Variants in TLN2 observed in about 807,000 individuals in gnomAD.
The protein encoded by TLN2 is talin-2.
A neutral mutation model predicts 294.7 loss-of-function variants in TLN2; 118 were observed. The observed-to-expected ratio is 0.40, with a 90% confidence interval of 0.34 to 0.47. The LOEUF (loss-of-function observed/expected upper bound fraction) is 0.47, where lower values mean the gene tolerates loss of function less well. Ranked by LOEUF, TLN2 falls within the 20% of genes least tolerant of loss-of-function variation. The pLI, the probability that TLN2 is intolerant of heterozygous loss-of-function variation, is 0.84. For synonymous variants in TLN2, 1,431 were observed against 1,304.5 expected (o/e 1.10, Z -2.09); for missense variants, 3,083 against 3,282.2 (o/e 0.94, Z 1.48).
intron 1 of TLN2, among the ~76,000 whole-genome samples, chr15:62,399,273 A>AC (rs2032828982): frequency 6.6e-6 from 1 of 150,804 alleles, no homozygotes; most frequent in Non-Finnish European, 1.5e-5. Flanking sequence ...AAAAAAAAAA[A>AC]AAAAAAAAAA....
chr15:62,674,417 A>G (rs2055879268), intron 10 of TLN2, among the ~76,000 whole-genome samples: 1 of 152,208 alleles, frequency 6.6e-6, no homozygotes, highest in African/African-American at 2.4e-5. Context: ...ATTAAAATAC[A>G]AATTTCATGC....
intron 3 of TLN2, among the ~76,000 whole-genome samples, chr15:62,631,397 T>A (rs889839329): frequency 2.6e-5 from 4 of 152,128 alleles, no homozygotes; most frequent in Non-Finnish European, 5.9e-5. Context: ...TAATCACTCA[T>A]CCATTATTTT....
In TLN2 at chr15:62,637,414, G is replaced by T. The variant is rs2140904109; in HGVS notation, c.-36-9861G>T. 1.3e-5 allele frequency: 2 copies of T among 150,100 alleles called. 1 individual carries two copies. The highest frequency in any genetic ancestry group is 4.6e-4 in the South Asian group (2 of 4,388). 9.3% of individuals were successfully genotyped at this position (150,100 alleles called of 1,614,324 possible). ...TCCAAGAGGACTGAAATGTATGGAT[G>T]ATTTATTCAGCTGTCTTGGCAACCA... On this transcript the variant is annotated intron_variant, in intron 3 of 58. Coordinates refer to ENST00000636159, the MANE Select transcript of TLN2 (RefSeq NM_015059.3).
At chr15:62,833,356 G>C (rs1453168601) in intron 54 of TLN2, 148 bp from the exon 55 acceptor site, 2 of 1,261,884 alleles carry the variant, frequency 1.6e-6, no homozygotes, top group Non-Finnish European at 2.2e-6. Flanking sequence ...TCTGCTTCTT[G>C]TTAAGGAACC....
In TLN2 at chr15:62,807,477, C is replaced by T. The variant is rs2066369500; in HGVS notation, c.6663+1692C>T. ...TCTCAGCCAGTCTGTTTCTGCTACTCAGGGCCTCCCAGATGTAATGTTCAA... is the reference window on the plus strand; with the variant it reads ...TCTCAGCCAGTCTGTTTCTGCTACTTAGGGCCTCCCAGATGTAATGTTCAA... On this transcript the variant is annotated intron_variant, in intron 51 of 58. Transcript: ENST00000636159. Among the ~76,000 whole-genome samples, 5 of 152,318 alleles carry T rather than the reference C, an allele frequency of 3.3e-5. No individual in the cohort carries two copies. The South Asian group carries it at 1.0e-3, about 32-fold the overall frequency.
chr15:62,426,579 G>A (rs1003426597), intron 1 of TLN2, among the ~76,000 whole-genome samples: 1 of 152,216 alleles, frequency 6.6e-6, no homozygotes, highest in Admixed American at 6.5e-5. Flanking sequence ...TGGTAATGGG[G>A]ACTAAGCCTC....
chr15:62,492,989 C>T (rs1008868187), intron 1 of TLN2, among the ~76,000 whole-genome samples: 3 of 152,126 alleles, frequency 2.0e-5, no homozygotes, highest in Non-Finnish European at 4.4e-5. Context: ...TTGTGGCCTT[C>T]CTGTTAGGGG....
At chr15:62,690,776 C>T (rs973937693) in intron 12 of TLN2, among the ~76,000 whole-genome samples, 4 of 151,002 alleles carry the variant, frequency 2.6e-5, no homozygotes, top group South Asian at 2.1e-4. Flanking sequence ...CTCGGGAGGC[C>T]GAGGCTGGCG....
chr15:62,645,302 C>T (rs2051700529), intron 3 of TLN2: 1 of 152,362 alleles, frequency 6.6e-6, no homozygotes, highest in Admixed American at 6.5e-5. Flanking sequence ...AATCCAGCCA[C>T]TGCCTAGGCC....
rs919223126 is a variant in TLN2 at position 62,792,474 on chromosome 15, G to A, written c.5737-167G>A. On this transcript the variant is annotated intron_variant, in intron 45 of 58. Transcript: ENST00000636159. ...CATTTTACAGTCTCTCAAAAGGGAA[G>A]CAAAATCAACCAAATTCCATACTTC... Among the ~76,000 whole-genome samples, 5 of 152,288 alleles carry A rather than the reference G, an allele frequency of 3.3e-5. No homozygotes were observed. The South Asian group carries it at 1.0e-3, about 32-fold the overall frequency.
rs145754445 is a variant in TLN2, at chr15:62,707,882, G to A, written c.2173-620G>A. Among the ~76,000 whole-genome samples, 701 of 152,262 alleles carry A rather than the reference G, an allele frequency of 4.6e-3. 1 individual carries two copies. The highest frequency in any genetic ancestry group is 8.3e-3 in the Non-Finnish European group (566 of 68,026). Reference sequence around the variant, plus strand: ...CCCCTCTACTTCATGTGTCCTCTCGGTGATGATGCAGCAGAAGATGGGAAA... The same window carrying A: ...CCCCTCTACTTCATGTGTCCTCTCGATGATGATGCAGCAGAAGATGGGAAA... On this transcript the variant is annotated intron_variant, in intron 20 of 58. Transcript: ENST00000636159.
chr15:62,702,460 C>A (rs1419081025), intron 18 of TLN2, among the ~76,000 whole-genome samples: 1 of 152,188 alleles, frequency 6.6e-6, no homozygotes, highest in Non-Finnish European at 1.5e-5. Flanking sequence ...ATGACTAATA[C>A]GCATTTAAGG....
intron 1 of TLN2, among the ~76,000 whole-genome samples, chr15:62,398,226 TA>T (rs1192487460): frequency 2.6e-5 from 4 of 152,198 alleles, no homozygotes; most frequent in African/African-American, 4.8e-5. Context: ...GATGGTTTCA[TA>T]AGGGCCTTTT....
rs772895997 is a variant in TLN2 at position 62,836,137 on chromosome 15, G to A, written c.7374+64G>A. Reference sequence around the variant, plus strand: ...GGAGCGGGTAAGTGTCACCAGAGGGGACAAGCCTCACTTCCTTGGCATGAC... The same window carrying A: ...GGAGCGGGTAAGTGTCACCAGAGGGAACAAGCCTCACTTCCTTGGCATGAC... On this transcript the variant is annotated intron_variant, in intron 57 of 58. Transcript: ENST00000636159. 3.8e-5 allele frequency: 58 copies of A among 1,538,278 alleles called. 1 individual carries two copies. The Middle Eastern group carries it at 1.5e-3, about 39-fold the overall frequency.
chr15:62,528,614 A>T (rs143818218), intron 1 of TLN2, among the ~76,000 whole-genome samples: 1 of 147,042 alleles, frequency 6.8e-6, no homozygotes, highest in African/African-American at 2.5e-5. Flanking sequence ...TGCAGGGGCT[A>T]TGTCTGGCAA....
At chr15:62,635,161 T>C (rs2050259119) in intron 3 of TLN2, among the ~76,000 whole-genome samples, 1 of 152,230 alleles carries the variant, frequency 6.6e-6, no homozygotes, top group Non-Finnish European at 1.5e-5. Context: ...CTGATACTTG[T>C]ACATTCAGAT....
rs1033950106 is a variant in TLN2 at position 62,647,234 on chromosome 15, A to T, written c.-36-41A>T. 7 of 1,504,766 alleles carry T rather than the reference A, an allele frequency of 4.7e-6. No individual in the cohort carries two copies. The Admixed American group carries it at 1.6e-4, about 34-fold the overall frequency. 93.2% of individuals were successfully genotyped at this position (1,504,766 alleles called of 1,614,324 possible). A position where few individuals can be genotyped will look rare whatever the true frequency, so the allele number is the denominator to read the frequency against. On this transcript the variant is annotated intron_variant, in intron 3 of 58. Transcript: ENST00000636159. ...TGTTTTTTTTTCCCCAAGACAAATT[A>T]TTATCGTGAACATCAGGGTTTGTCT...
chr15:62,583,265 G>A (rs77414840), intron 1 of TLN2, among the ~76,000 whole-genome samples: 4,209 of 152,258 alleles, frequency 0.028, 141 homozygotes, highest in East Asian at 0.15. Context: ...TTTTTGTAGA[G>A]TTGCCTTTTT....
At chr15:62,695,013 A>G (rs765267515) in intron 14 of TLN2, among the ~76,000 whole-genome samples, 7 of 152,202 alleles carry the variant, frequency 4.6e-5, no homozygotes, top group Non-Finnish European at 1.0e-4. Flanking sequence ...AGTTACTAAT[A>G]AAGCACATAA....
Sources: gnomAD v4.1 joint callset for allele counts (sites outside exome capture counted in the v4.1 genomes callset) on GRCh38, gnomAD v4.1.1 for gene constraint, MANE v1.5 for transcripts, NCBI Gene and HGNC (gene_info 2026-07-23, HGNC 2026-07-21) for gene names.